The following LRMDA variants were observed in gnomAD, a reference collection of about 807,000 sequenced individuals.
LRMDA encodes leucine rich melanocyte differentiation associated.
A neutral mutation model predicts 29.8 loss-of-function variants in LRMDA; 18 were observed. That is an observed-to-expected ratio of 0.60 (90% CI 0.42 to 0.90). LRMDA has a LOEUF of 0.90. Ranked by LOEUF, LRMDA falls within the 40% of genes least tolerant of loss-of-function variation. The probability of loss-of-function intolerance (pLI) is 0.00; values close to 1 mark genes in which losing one functional copy is unlikely to be tolerated. For missense variants in LRMDA, 273 were observed against 273.9 expected, an observed-to-expected ratio of 1.00 and a Z score of 0.02; for synonymous variants, 125 against 109.4, an observed-to-expected ratio of 1.14 and a Z score of -0.89.
intron 2 of LRMDA, among the ~76,000 whole-genome samples, chr10:75,609,168 A>C (rs1431460695): frequency 6.6e-6 from 1 of 152,126 alleles, no homozygotes; most frequent in African/African-American, 2.4e-5. Context: ...GGTTAGAATC[A>C]AGGAATCAAG....
chr10:75,914,531 T>C (rs1465408859), intron 2 of LRMDA, among the ~76,000 whole-genome samples: 1 of 152,226 alleles, frequency 6.6e-6, no homozygotes, highest in Non-Finnish European at 1.5e-5. Context: ...TTAAGAAGCA[T>C]AATTCAATAA....
At chr10:75,813,906 C>T (rs2132274069) in intron 2 of LRMDA, among the ~76,000 whole-genome samples, 1 of 152,330 alleles carries the variant, frequency 6.6e-6, no homozygotes, top group African/African-American at 2.4e-5. Flanking sequence ...GGTCAAAATG[C>T]TGAATCTTCA....
chr10:75,842,464 A>G (rs915692707), intron 2 of LRMDA, among the ~76,000 whole-genome samples: 6 of 152,160 alleles, frequency 3.9e-5, no homozygotes, highest in African/African-American at 1.4e-4. Flanking sequence ...CCTCTGGTCT[A>G]TGTTATTTCA....
chr10:75,681,182 T>C (rs1842018312), intron 2 of LRMDA, among the ~76,000 whole-genome samples: 1 of 152,210 alleles, frequency 6.6e-6, no homozygotes, highest in Non-Finnish European at 1.5e-5. Context: ...TGTGTTAATT[T>C]CCTTCAATGC....
intron 5 of LRMDA, among the ~76,000 whole-genome samples, chr10:76,315,623 G>C (rs941081038): frequency 6.6e-6 from 1 of 151,828 alleles, no homozygotes; most frequent in African/African-American, 2.4e-5. Context: ...AGCAGCCCAG[G>C]GGGTGCTGAG....
chr10:75,533,351 A>G (rs3012053), intron 2 of LRMDA, among the ~76,000 whole-genome samples: 113,451 of 152,100 alleles, frequency 0.75, 42,491 homozygotes, highest in East Asian at 0.85. Context: ...GAAATAGGTA[A>G]CAATTAGGGG....
intron 2 of LRMDA, among the ~76,000 whole-genome samples, chr10:75,568,808 G>A (rs1840402943): frequency 1.3e-5 from 2 of 152,218 alleles, no homozygotes; most frequent in Admixed American, 1.3e-4. Flanking sequence ...AATTGGCCTG[G>A]AAGCAGCAGA....
intron 5 of LRMDA, among the ~76,000 whole-genome samples, chr10:76,244,970 C>G (rs1852347937): frequency 6.6e-6 from 1 of 152,140 alleles, no homozygotes; most frequent in Admixed American, 6.5e-5. Flanking sequence ...TTGAGCCAGT[C>G]ATTTAACTTC....
chr10:76,257,876 C>T (rs1182156015), intron 5 of LRMDA, among the ~76,000 whole-genome samples: 1 of 152,124 alleles, frequency 6.6e-6, no homozygotes, highest in Non-Finnish European at 1.5e-5. Flanking sequence ...ATGTCTGGGG[C>T]TCAGTTGAGA....
intron 5 of LRMDA, among the ~76,000 whole-genome samples, chr10:76,271,996 G>A (rs947119636): frequency 6.6e-5 from 10 of 152,170 alleles, no homozygotes; most frequent in African/African-American, 2.4e-4. Flanking sequence ...AGTAAGAAAA[G>A]CTAAAATGTG....
intron 5 of LRMDA, among the ~76,000 whole-genome samples, chr10:76,124,416 C>T (rs2132128209): frequency 6.6e-6 from 1 of 152,358 alleles, no homozygotes; most frequent in East Asian, 1.9e-4. Context: ...TTTTCTCAGG[C>T]TGCCTTTCTT....
chr10:76,013,295 A>AT (rs59047696), intron 2 of LRMDA, among the ~76,000 whole-genome samples: 2,685 of 137,932 alleles, frequency 0.019, 61 homozygotes, highest in African/African-American at 0.058. Flanking sequence ...AGATGATTTA[A>AT]TTTTTTTTTT....
chr10:75,709,360 CTGTG>C (rs1214638894), intron 2 of LRMDA, among the ~76,000 whole-genome samples: 1 of 151,148 alleles, frequency 6.6e-6, no homozygotes, highest in African/African-American at 2.4e-5. Context: ...GTGTGTGTGT[CTGTG>C]TGTGCGTGCA....
At chr10:76,412,234 T>G (rs1841969466) in intron 6 of LRMDA, among the ~76,000 whole-genome samples, 1 of 152,208 alleles carries the variant, frequency 6.6e-6, no homozygotes, top group African/African-American at 2.4e-5. Context: ...TGTGGTTGGC[T>G]CCCCACATTG....
At chr10:76,005,015 C>T (rs1430229054) in intron 2 of LRMDA, among the ~76,000 whole-genome samples, 2 of 152,130 alleles carry the variant, frequency 1.3e-5, no homozygotes, top group African/African-American at 2.4e-5. Context: ...GTGTGAGCCA[C>T]CATGCCTGGC....
chr10:75,662,581 T>G (rs1277553827), intron 2 of LRMDA, among the ~76,000 whole-genome samples: 2 of 152,264 alleles, frequency 1.3e-5, no homozygotes, highest in Non-Finnish European at 2.9e-5. Context: ...TATGTGGTTT[T>G]CCGGCTTTGT....
At chr10:75,935,142 G>A (rs1846266894) in intron 2 of LRMDA, among the ~76,000 whole-genome samples, 1 of 152,068 alleles carries the variant, frequency 6.6e-6, no homozygotes, top group Non-Finnish European at 1.5e-5. Context: ...CCTTACTCCT[G>A]CCACTGCATT....
intron 2 of LRMDA, among the ~76,000 whole-genome samples, chr10:75,696,865 G>A (rs1166943810): frequency 6.6e-6 from 1 of 152,162 alleles, no homozygotes; most frequent in Non-Finnish European, 1.5e-5. Context: ...GGCGATGCAA[G>A]GCCTAACTGC....
rs374649164 is a variant in LRMDA, at chr10:76,191,790, G to A, written c.517-132611G>A. ...TTCGATTACCTTGCAAAGGGCATGA[G>A]ATTATTTATAAGTGATGTATCCAAC... On this transcript the variant is annotated intron_variant, in intron 5 of 6. Coordinates refer to ENST00000611255, the MANE Select transcript of LRMDA (RefSeq NM_001305581.2). Among the ~76,000 whole-genome samples, 6 of 152,308 alleles carry A rather than the reference G, an allele frequency of 3.9e-5. No individual in the cohort carries two copies. In the East Asian group the frequency reaches 7.7e-4, roughly 20 times the overall value.
Sources: allele counts gnomAD v4.1 joint callset (sites outside exome capture counted in the v4.1 genomes callset), GRCh38; gene constraint gnomAD v4.1.1; transcripts MANE v1.5; gene names NCBI Gene and HGNC (gene_info 2026-07-23, HGNC 2026-07-21).